The following TRAK1 variants were observed in gnomAD, a reference collection of about 807,000 sequenced individuals.
TRAK1 encodes the protein trafficking kinesin protein 1.
TRAK1 carries 33 observed loss-of-function variants against 92.1 expected under a neutral mutation model. The ratio of observed to expected loss-of-function variants is 0.36; its 90% CI spans 0.27 to 0.48. The LOEUF (loss-of-function observed/expected upper bound fraction) is 0.48, where lower values mean the gene tolerates loss of function less well. Ranked by LOEUF, TRAK1 falls within the 20% of genes least tolerant of loss-of-function variation. The pLI, the probability that TRAK1 is intolerant of heterozygous loss-of-function variation, is 0.99. For missense variants in TRAK1, 1,123 were observed against 1,257.9 expected (o/e 0.89, Z 1.62); for synonymous variants, 521 against 517.3 (o/e 1.01, Z -0.10).
intron 13 of TRAK1, among the ~76,000 whole-genome samples, chr3:42,207,744 G>GC (rs1708493958): frequency 6.6e-6 from 1 of 152,166 alleles, no homozygotes; most frequent in Admixed American, 6.5e-5. Flanking sequence ...CGAAGCCCCG[G>GC]CGTTGTTTGC....
intron 2 of TRAK1, among the ~76,000 whole-genome samples, chr3:42,143,308 C>CTTTTTTTTTTTTTTTTTTTTTTTTTTT (rs369435084): frequency 7.2e-6 from 1 of 139,260 alleles, no homozygotes. Context: ...TGTACCTCTT[C>CTTTTTTTTTTTTTTTTTTTTTTTTTTT]TTTTTTTTTT....
At chr3:42,190,695 A>G (rs1485557550) in intron 6 of TRAK1, among the ~76,000 whole-genome samples, 3 of 152,124 alleles carry the variant, frequency 2.0e-5, no homozygotes, top group Admixed American at 2.0e-4. Context: ...GCCAGGACTG[A>G]GGGCTCAGAG....
intron 2 of TRAK1, among the ~76,000 whole-genome samples, chr3:42,135,232 G>A (rs1169868790): frequency 1.3e-5 from 2 of 152,232 alleles, no homozygotes; most frequent in Non-Finnish European, 2.9e-5. Context: ...GGAGTGCCTT[G>A]AGGGCAGAGA....
chr3:42,207,416 CT>C (rs952883273), intron 13 of TRAK1, among the ~76,000 whole-genome samples: 1 of 152,148 alleles, frequency 6.6e-6, no homozygotes, highest in Non-Finnish European at 1.5e-5. Flanking sequence ...TGATGTCCTT[CT>C]TGTTCTCAGA....
chr3:42,084,807 T>C (rs1360539818), upstream of TRAK1, among the ~76,000 whole-genome samples: 1 of 150,310 alleles, frequency 6.7e-6, no homozygotes, highest in African/African-American at 2.5e-5. Context: ...TTTCTTTTTT[T>C]TTTTTTTCCT....
chr3:42,194,229 G>A (rs1322647008), intron 9 of TRAK1, among the ~76,000 whole-genome samples: 1 of 152,038 alleles, frequency 6.6e-6, no homozygotes, highest in East Asian at 1.9e-4. Context: ...TGGGTGTGAC[G>A]ATTTTCTTTT....
chr3:42,203,148 T>C, intron 13 of TRAK1: 1 of 1,207,830 alleles, frequency 8.3e-7, no homozygotes, highest in Non-Finnish European at 1.0e-6. Flanking sequence ...GCTTTAGCTT[T>C]TCTGCAGTTT....
chr3:42,193,033 G>T, intron 7 of TRAK1, 42 bp from the exon 8 acceptor site: 1 of 1,609,042 alleles, frequency 6.2e-7, no homozygotes, highest in South Asian at 1.1e-5. Flanking sequence ...TGCATGTGTG[G>T]TTTTCTGACT....
Position 42,199,179 on chromosome 3 carries a change from T to G in TRAK1, c.1116T>G (p.Asp372Glu). The change falls in exon 11 of 16, where the codon GAT (aspartate) becomes GAG (glutamate). Residue 372 changes from aspartate (D) to glutamate (E), a missense_variant and splice_region_variant. Asp to Glu is a conservative substitution (Grantham distance 45, BLOSUM62 2). This residue lies in a region of TRAK1 where 686 missense variants were observed against 747.6 expected (regional missense o/e 0.92). Transcript: ENST00000327628. Reference protein sequence around the residue: ...RYHSLGLFPMDSLAAEIEGTM... With the variant: ...RYHSLGLFPMESLAAEIEGTM... ...TTTGTCTTTCTGGCTTTTCCCAGGA[T>G]TCCTTGGCAGCAGAGATTGAGGGAA... The G allele has an allele frequency of 1.2e-6, 2 of 1,613,484 alleles. No individual in the cohort carries two copies. The highest frequency in any genetic ancestry group is 1.7e-6 in the Non-Finnish European group (2 of 1,180,036).
At chr3:42,189,782 C>T (rs1359800463) in intron 6 of TRAK1, among the ~76,000 whole-genome samples, 4 of 152,154 alleles carry the variant, frequency 2.6e-5, no homozygotes, top group Non-Finnish European at 4.4e-5. Context: ...CCACCTGCCT[C>T]GGCCTCCCAA....
chr3:42,140,505 T>A (rs1246031578), intron 2 of TRAK1, among the ~76,000 whole-genome samples: 1 of 152,132 alleles, frequency 6.6e-6, no homozygotes, highest in Non-Finnish European at 1.5e-5. Flanking sequence ...CACATGCCTG[T>A]AGTCCCAGCT....
chr3:42,074,386 A>G lies in TRAK1; in HGVS notation c.-518-12718A>G, dbSNP rs75816353. On this transcript the variant is annotated intron_variant, in intron 1 of 16. Coordinates refer to the TRAK1 transcript ENST00000487159. ...TCTCATCACCTTCTACGCAGGCATC[A>G]GTTTGCTCAGAAAAGAAGCTGTAAA... is the stretch of plus-strand genomic sequence containing the variant. Among the ~76,000 whole-genome samples the G allele has an allele frequency of 7.1e-3, 1,078 of 152,312 alleles. 51 individuals are homozygous for G. The East Asian group carries it at 0.13, about 18-fold the overall frequency.
intron 2 of TRAK1, chr3:42,149,242 G>A (rs1176860119): frequency 4.7e-6 from 6 of 1,266,286 alleles, no homozygotes; most frequent in Non-Finnish European, 6.0e-6. Context: ...CCCATTCAGG[G>A]CTGCTGTCCA....
Position 42,224,242 on chromosome 3 carries a change from C to T in TRAK1, c.*505C>T, listed in dbSNP as rs115020478. 717 of 353,706 alleles carry T rather than the reference C, an allele frequency of 2.0e-3. 4 individuals are homozygous for T. The highest frequency in any genetic ancestry group is 0.015 in the African/African-American group (654 of 44,540). The allele number at this position is 353,706 out of a possible 1,614,324, so 21.9% of individuals were successfully genotyped here. A position where few individuals can be genotyped will look rare whatever the true frequency, so the allele number is the denominator to read the frequency against. Reference sequence around the variant, plus strand: ...TCCATCCTCAGCCACGTGCAGCTGACGTGGCTTTCCTGATCGGAGGGCTTT... The same window carrying T: ...TCCATCCTCAGCCACGTGCAGCTGATGTGGCTTTCCTGATCGGAGGGCTTT... On this transcript the variant is annotated 3_prime_UTR_variant, in exon 16 of 16. Coordinates refer to ENST00000327628, the MANE Select transcript of TRAK1 (RefSeq NM_001042646.3).
At chr3:42,021,246 A>T (rs890519477) in intron 1 of TRAK1, among the ~76,000 whole-genome samples, 2 of 152,204 alleles carry the variant, frequency 1.3e-5, no homozygotes, top group African/African-American at 4.8e-5. Flanking sequence ...CTTTCTTAGT[A>T]GAGAATAAAA....
At chr3:42,179,195 C>G (rs1421182639) in intron 3 of TRAK1, among the ~76,000 whole-genome samples, 1 of 152,200 alleles carries the variant, frequency 6.6e-6, no homozygotes, top group Non-Finnish European at 1.5e-5. Flanking sequence ...CCATTCTGTT[C>G]CTGTCCTGAT....
rs80111517 is a variant in TRAK1 at position 42,193,476 on chromosome 3, A to G, written c.900+271A>G. On this transcript the variant is annotated intron_variant, in intron 8 of 15. Transcript: ENST00000327628. Reference sequence around the variant, plus strand: ...ACTTTTGCAGTTTAACTTATGGATCATCTAGTCTAGTATTTGTTTTTACAC... The same window carrying G: ...ACTTTTGCAGTTTAACTTATGGATCGTCTAGTCTAGTATTTGTTTTTACAC... 6.7e-3 allele frequency among the ~76,000 whole-genome samples: 1,019 copies of G among 152,322 alleles called. 6 individuals are homozygous for G. Among genetic ancestry groups the G allele is most frequent in the African/African-American group, 0.022 (895 of 41,570 alleles).
At chr3:42,153,248 A>G (rs1261780747) in intron 2 of TRAK1, among the ~76,000 whole-genome samples, 1 of 152,086 alleles carries the variant, frequency 6.6e-6, no homozygotes, top group East Asian at 1.9e-4. Context: ...TACAAAAAAT[A>G]AAAACATTAG....
At position 42,223,602 on chromosome 3, in the gene TRAK1, G is replaced by C. The variant is rs756658086; in HGVS notation, c.2727G>C (p.Gln909His). 7 of 1,613,858 alleles carry C rather than the reference G, an allele frequency of 4.3e-6. No individual in the cohort carries two copies. In the African/African-American group the frequency reaches 9.3e-5, roughly 22 times the overall value. ...TCACCAGTGCCATCGGTGGGCTGCA[G>C]CTCAATAGTGGCATCCGGCGGAATC... ...PTVTSAIGGL[Q>H]LNSGIRRNRS... Residue 909 changes from glutamine to histidine, a missense_variant, in exon 16 of 16, where the codon CAG (glutamine) becomes CAC (histidine). This residue lies in a region of TRAK1 where 401 missense variants were observed against 438.9 expected (regional missense o/e 0.91). Transcript: ENST00000327628. The surrounding 1 kb of genome is among the most constrained non-coding windows in gnomAD (Gnocchi z 6.1).
Sources: allele counts gnomAD v4.1 joint callset (sites outside exome capture counted in the v4.1 genomes callset), GRCh38; gene constraint gnomAD v4.1.1; regional missense constraint gnomAD v4.1.1; non-coding constraint Gnocchi (gnomAD v3.1); transcripts MANE v1.5; gene names NCBI Gene and HGNC (gene_info 2026-07-23, HGNC 2026-07-21).